The following RASIP1 variants were observed in gnomAD, a reference collection of about 807,000 sequenced individuals.
RASIP1 encodes the protein Ras interacting protein 1.
Under a neutral mutation model 85.3 loss-of-function variants are expected in RASIP1, and 20 were observed. That is an observed-to-expected ratio of 0.23 (90% confidence interval 0.17 to 0.34). RASIP1 has a LOEUF of 0.34. Ranked by LOEUF, RASIP1 falls within the 10% of genes least tolerant of loss-of-function variation. The pLI is 1.00. For synonymous variants in RASIP1, 617 were observed against 647.1 expected (o/e 0.95, Z 0.71); for missense variants, 1,170 against 1,390.9 (o/e 0.84, Z 2.53).
chr19:48,727,362 T>C (rs746503584), intron 6 of RASIP1, 31 bp downstream of exon 6: 1 of 1,611,294 alleles, frequency 6.2e-7, no homozygotes, highest in Middle Eastern at 1.7e-4. Flanking sequence ...CCTGCATCCC[T>C]CCAGACCACT....
intron 10 of RASIP1, among the ~76,000 whole-genome samples, chr19:48,723,516 T>C (rs1038813946): frequency 7.4e-5 from 10 of 135,504 alleles, no homozygotes; most frequent in African/African-American, 2.8e-4. Context: ...GCCGAGATCA[T>C]GCCATTGCAC....
rs1203124136 is a variant in RASIP1 at position 48,720,754 on chromosome 19, G to A, written c.*44C>T. 7 of 1,590,416 alleles carry A rather than the reference G, an allele frequency of 4.4e-6. No individual in the cohort carries two copies. The African/African-American group carries it at 8.1e-5, about 18-fold the overall frequency. Reference sequence around the variant, plus strand: ...CTCAGGCGGGCTCCTGTCCGTAGAAGCCCGTGACATTTCAAGGTTCGCGCG... The same window carrying A: ...CTCAGGCGGGCTCCTGTCCGTAGAAACCCGTGACATTTCAAGGTTCGCGCG... On this transcript the variant is annotated 3_prime_UTR_variant, in exon 12 of 12. Coordinates refer to ENST00000222145, the MANE Select transcript of RASIP1 (RefSeq NM_017805.3).
chr19:48,722,615 A>G (rs1009468516), intron 10 of RASIP1, among the ~76,000 whole-genome samples: 1 of 151,948 alleles, frequency 6.6e-6, no homozygotes, highest in Non-Finnish European at 1.5e-5. Flanking sequence ...TATGGCGGCC[A>G]CTCTATATCT....
rs1461759312 is a variant in RASIP1 at position 48,739,199 on chromosome 19, TCGCCGGGGCCAC to T, written c.572_583del (p.Gly191_Gly194del). On this transcript the variant is annotated inframe_deletion, in exon 3 of 12. Transcript: ENST00000222145. This position sits in a 1 kb window ranked among gnomAD's most constrained non-coding sequence, Gnocchi z 9.2. ...AGCGAAGGCGTCCACGCAGCTGCTCTCGCCGGGGCCACCGCCGGGGCTGCCTGCTAGGCCGTA... is the reference window on the plus strand; with the variant it reads ...AGCGAAGGCGTCCACGCAGCTGCTCTCGCCGGGGCTGCCTGCTAGGCCGTA... The T allele has an allele frequency of 2.0e-6, 3 of 1,477,528 alleles. No individual in the cohort carries two copies. The highest frequency in any genetic ancestry group is 3.0e-5 in the East Asian group (1 of 33,826). The allele number at this position is 1,477,528 out of a possible 1,614,324, so 91.5% of individuals were successfully genotyped here.
chr19:48,732,463 CCAG>C (rs2033478292), intron 4 of RASIP1, among the ~76,000 whole-genome samples: 1 of 151,966 alleles, frequency 6.6e-6, no homozygotes, highest in African/African-American at 2.4e-5. Context: ...ACCGTGTTAG[CCAG>C]GATGGTCTCG....
At chr19:48,732,202 G>T (rs1300413816) in intron 4 of RASIP1, among the ~76,000 whole-genome samples, 1 of 150,868 alleles carries the variant, frequency 6.6e-6, no homozygotes, top group East Asian at 1.9e-4. Flanking sequence ...AGCCTCTCAA[G>T]TAGCTAGAAT....
intron 3 of RASIP1, among the ~76,000 whole-genome samples, chr19:48,736,418 A>AC (rs749753940): frequency 3.3e-5 from 5 of 152,120 alleles, no homozygotes; most frequent in South Asian, 2.1e-4. Flanking sequence ...ACAAAACAAA[A>AC]CAAAACAAGT....
chr19:48,722,712 C>A (rs1212033466), intron 10 of RASIP1, among the ~76,000 whole-genome samples: 1 of 152,108 alleles, frequency 6.6e-6, no homozygotes, highest in Admixed American at 6.6e-5. Context: ...TGCCTGAGTT[C>A]AAAAATCCCA....
chr19:48,734,872 C>T (rs997082772), intron 4 of RASIP1, among the ~76,000 whole-genome samples: 1 of 152,198 alleles, frequency 6.6e-6, no homozygotes, highest in African/African-American at 2.4e-5. Context: ...ACCTTGACCT[C>T]CCAAAGTGCT....
At position 48,727,148 on chromosome 19, in the gene RASIP1, C is replaced by T. The variant is rs1255174908; in HGVS notation, c.1882G>A (p.Gly628Arg). ...GDRQPENHPE[G>R]VPEVPLTPEA... The stretch of plus-strand genomic sequence containing the variant: ...GGAGTCAGGGGCACCTCGGGGACCC[C>T]CTCAGGGTGGCTTGAAAAAGAGGAA... Residue 628 changes from glycine to arginine, a missense_variant, in exon 7 of 12, where the codon GGG becomes AGG. By Grantham distance (125) the Gly-to-Arg change is moderately radical (BLOSUM62 -2). This residue lies in a region of RASIP1 where 426 missense variants were observed against 576.2 expected (regional missense o/e 0.74). Coordinates refer to ENST00000222145, the MANE Select transcript of RASIP1 (RefSeq NM_017805.3). The T allele has an allele frequency of 1.9e-6, 3 of 1,613,864 alleles. No individual in the cohort carries two copies. The highest frequency in any genetic ancestry group is 2.2e-5 in the South Asian group (2 of 91,054).
Position 48,727,026 on chromosome 19 carries a change from C to T in RASIP1, c.2004G>A (p.Glu668=). The T allele has an allele frequency of 6.2e-7, 1 of 1,614,242 alleles. No individual in the cohort carries two copies. Among genetic ancestry groups the T allele is most frequent in the Non-Finnish European group, 8.5e-7 (1 of 1,180,052 alleles). ...SFVQEKVLEM[E]KEADQEDPQL... is the part of the protein sequence containing the mutation. The stretch of plus-strand genomic sequence containing the variant: ...GCTCACCCTCTTGGTCAGCCTCCTT[C>T]TCCATTTCCAGCACCTTCTCCTGCA... Residue 668 remains glutamate (E), a synonymous_variant, in exon 7 of 12, where the codon GAG becomes GAA. Transcript: ENST00000222145.
Position 48,729,251 on chromosome 19 carries a change from G to C in RASIP1, c.1519C>G (p.Pro507Ala). 2 of 1,457,768 alleles carry C rather than the reference G, an allele frequency of 1.4e-6. No individual in the cohort carries two copies. Among genetic ancestry groups the C allele is most frequent in the Non-Finnish European group, 1.8e-6 (2 of 1,111,106 alleles). The allele number at this position is 1,457,768 out of a possible 1,614,324, so 90.3% of individuals were successfully genotyped here. The change falls in exon 5 of 12, where the codon CCC becomes GCC. Residue 507 changes from proline (P) to alanine (A), a missense_variant. Pro to Ala is a conservative substitution (Grantham distance 27). Around this residue, in one of 4 missense-constraint regions of RASIP1, gnomAD observed 426 missense variants for 576.2 expected, o/e 0.74. Coordinates refer to ENST00000222145, the MANE Select transcript of RASIP1 (RefSeq NM_017805.3). Reference sequence around the variant, plus strand: ...CCAGGGCCTGGCGGCGTGGCCCCGGGGCGCGCGGGCAGCCACGGCGGCCTC... The same window carrying C: ...CCAGGGCCTGGCGGCGTGGCCCCGGCGCGCGCGGGCAGCCACGGCGGCCTC... Reference protein sequence around the residue: ...PARPPWLPARPGATPPGPGWA... With the variant: ...PARPPWLPARAGATPPGPGWA...
chr19:48,728,772 GCAAA>G (rs147766034), intron 5 of RASIP1, among the ~76,000 whole-genome samples, 161 bp downstream of exon 5: 4 of 151,140 alleles, frequency 2.6e-5, no homozygotes, highest in Admixed American at 1.3e-4. Flanking sequence ...AAAAACAAAA[GCAAA>G]CAAACAAACA....
Position 48,739,693 on chromosome 19 carries a change from A to G in RASIP1, c.138-48T>C. On this transcript the variant is annotated intron_variant, in intron 2 of 11. Transcript: ENST00000222145. The surrounding 1 kb of genome is among the most constrained non-coding windows in gnomAD (Gnocchi z 9.2). ...AGTCGCGGGAGAGAGACCCAGGACG[A>G]CACGCCAAGACGGGGGTGGGGGCAT... The G allele has an allele frequency of 7.7e-7, 1 of 1,300,740 alleles. No homozygotes were observed. Among genetic ancestry groups the G allele is most frequent in the Non-Finnish European group, 9.8e-7 (1 of 1,021,456 alleles). The allele number at this position is 1,300,740 out of a possible 1,614,324, so 80.6% of individuals were successfully genotyped here. A position where few individuals can be genotyped will look rare whatever the true frequency, so the allele number is the denominator to read the frequency against.
At position 48,724,038 on chromosome 19, in the gene RASIP1, C is replaced by A. The variant is rs750330991; in HGVS notation, c.2544+299G>T. ...GGCCAGGCTGGTCTCAAACTCCTGG[C>A]CTCAAGTGATCCACCTACTTAGGCC... is the stretch of plus-strand genomic sequence containing the variant. On this transcript the variant is annotated intron_variant, in intron 10 of 11. Transcript: ENST00000222145. The surrounding 1 kb of genome is among the most constrained non-coding windows in gnomAD (Gnocchi z 4.6). Among the ~76,000 whole-genome samples, 2 of 152,206 alleles carry A rather than the reference C, an allele frequency of 1.3e-5. No homozygotes were observed. Among genetic ancestry groups the A allele is most frequent in the African/African-American group, 2.4e-5 (1 of 41,450 alleles).
At position 48,729,649 on chromosome 19, in the gene RASIP1, TTC is replaced by T. The variant is rs895400379; in HGVS notation, c.1180-61_1180-60del. 1.5e-5 allele frequency: 22 copies of T among 1,492,320 alleles called. No homozygotes were observed. In the African/African-American group the frequency reaches 2.0e-4, roughly 13 times the overall value. 92.4% of individuals were successfully genotyped at this position (1,492,320 alleles called of 1,614,324 possible). A position where few individuals can be genotyped will look rare whatever the true frequency, so the allele number is the denominator to read the frequency against. On this transcript the variant is annotated intron_variant, in intron 4 of 11. Coordinates refer to ENST00000222145, the MANE Select transcript of RASIP1 (RefSeq NM_017805.3). Reference sequence around the variant, plus strand: ...ACTTCAATCCATATCTTCAGATCTGTTCTCTCTGTTTTCTACAACAACTTTTC... The same window carrying T: ...ACTTCAATCCATATCTTCAGATCTGTTCTCTGTTTTCTACAACAACTTTTC...
At position 48,720,954 on chromosome 19, in the gene RASIP1, G is replaced by C. The variant is rs571194489; in HGVS notation, c.2736C>G (p.Leu912=). ...ESFSSHPPLI[L]PLGSSRLRLT... ...GGCGCAGGCGCGAGCTCCCCAGGGG[G>C]AGGATGAGGGGCGGGTGCGAGGAGA... is the stretch of plus-strand genomic sequence containing the variant. The change falls in exon 12 of 12, where the codon CTC becomes CTG. Residue 912 remains leucine (L), a synonymous_variant. Transcript: ENST00000222145. The C allele has an allele frequency of 1.2e-6, 2 of 1,612,370 alleles. No individual in the cohort carries two copies. Among genetic ancestry groups the C allele is most frequent in the Non-Finnish European group, 1.7e-6 (2 of 1,179,448 alleles).
rs1051337774 is a variant in RASIP1 at position 48,724,234 on chromosome 19, T to C, written c.2544+103A>G. 16 of 1,253,416 alleles carry C rather than the reference T, an allele frequency of 1.3e-5. No individual in the cohort carries two copies. The highest frequency in any genetic ancestry group is 1.8e-5 in the Non-Finnish European group (16 of 905,624). 77.6% of individuals were successfully genotyped at this position (1,253,416 alleles called of 1,614,324 possible). The stretch of plus-strand genomic sequence containing the variant: ...GTCTGAGCTGGGGCTGGGGATGGCA[T>C]GGGGTTCAAGGGGAGCTCTGACGGT... On this transcript the variant is annotated intron_variant, in intron 10 of 11. Transcript: ENST00000222145. The surrounding 1 kb of genome is among the most constrained non-coding windows in gnomAD (Gnocchi z 4.6).
intron 4 of RASIP1, 116 bp from the exon 5 acceptor site, chr19:48,729,706 CTTCTTT>C (rs2033414878): frequency 1.8e-3 from 1,070 of 591,158 alleles, no homozygotes; most frequent in Non-Finnish European, 2.4e-3. Context: ...TTTCCTTCTT[CTTCTTT>C]TTTTTTTTTT....
Sources: allele counts gnomAD v4.1 joint callset (sites outside exome capture counted in the v4.1 genomes callset), GRCh38; gene constraint gnomAD v4.1.1; regional missense constraint gnomAD v4.1.1; non-coding constraint Gnocchi (gnomAD v3.1); transcripts MANE v1.5; gene names NCBI Gene and HGNC (gene_info 2026-07-23, HGNC 2026-07-21).